Variants in TJP1 observed in about 807,000 individuals in gnomAD.
The protein encoded by TJP1 is tight junction protein 1.
TJP1 carries 43 observed loss-of-function variants against 194.2 expected under a neutral mutation model. That is an observed-to-expected ratio of 0.22 (90% CI 0.17 to 0.29). The LOEUF is 0.29. Among genes scored for constraint, TJP1 ranks in the 10% least tolerant of loss-of-function variants. The probability of loss-of-function intolerance (pLI) is 1.00; values close to 1 mark genes in which losing one functional copy is unlikely to be tolerated. For synonymous variants in TJP1, 801 were observed against 779.0 expected (o/e 1.03, Z -0.47); for missense variants, 1,971 against 2,185.7 (o/e 0.90, Z 1.96).
intron 27 of TJP1, 151 bp downstream of exon 27, chr15:29,704,011 C>G: frequency 1.3e-6 from 1 of 778,918 alleles, no homozygotes; most frequent in Admixed American, 2.9e-5. Context: ...ATATGCACCA[C>G]AAATAAATGT....
At chr15:29,736,645 G>C (rs1307121242) in intron 11 of TJP1, among the ~76,000 whole-genome samples, 2 of 152,210 alleles carry the variant, frequency 1.3e-5, no homozygotes, top group Non-Finnish European at 2.9e-5. Context: ...TATGGGGAAG[G>C]AAGGGAGGAC....
intron 2 of TJP1, among the ~76,000 whole-genome samples, chr15:29,877,276 G>A (rs1224231832): frequency 6.6e-6 from 1 of 152,346 alleles, no homozygotes; most frequent in African/African-American, 2.4e-5. Context: ...GAGTGCAGTG[G>A]CGTGATCACG....
chr15:29,772,135 C>T lies in TJP1; in HGVS notation c.241G>A (p.Val81Ile), dbSNP rs748719445. ...ENDRVAMVNG[V>I]SMDNVEHAFA... ...GCATGTTCAACATTATCCATTGAAA[C>T]TCCGTTAACCATTGCAACTCGGTCA... The change falls in exon 4 of 28, where the codon GTT becomes ATT. Residue 81 changes from valine to isoleucine, a missense_variant. By Grantham distance (29) the Val-to-Ile change is conservative. This residue lies in a region of TJP1 where 245 missense variants were observed against 336.6 expected (regional missense o/e 0.73). Coordinates refer to ENST00000614355, the MANE Select transcript of TJP1 (RefSeq NM_001330239.4). 1 of 1,604,068 alleles carries T rather than the reference C, an allele frequency of 6.2e-7. No individual in the cohort carries two copies. The highest frequency in any genetic ancestry group is 1.1e-5 in the South Asian group (1 of 88,620).
At chr15:29,763,209 G>C (rs1277474826) in intron 5 of TJP1, among the ~76,000 whole-genome samples, 2 of 152,176 alleles carry the variant, frequency 1.3e-5, no homozygotes, top group Admixed American at 1.3e-4. Context: ...CCGTCTGTGG[G>C]TAAGGAATGT....
chr15:29,968,223 G>T, intron 1 of TJP1: 2 of 985,412 alleles, frequency 2.0e-6, no homozygotes, highest in South Asian at 9.4e-5. Context: ...TATGCACTCA[G>T]CAGCAGACGA....
At chr15:29,791,171 T>C (rs1292307443) in intron 2 of TJP1, among the ~76,000 whole-genome samples, 1 of 151,270 alleles carries the variant, frequency 6.6e-6, no homozygotes, top group East Asian at 2.0e-4. Flanking sequence ...GGACTACAGG[T>C]GCACACCACC....
chr15:29,806,288 A>C lies in TJP1; in HGVS notation c.28-5586T>G, dbSNP rs78559527. On this transcript the variant is annotated intron_variant, in intron 1 of 27. Coordinates refer to ENST00000614355, the MANE Select transcript of TJP1 (RefSeq NM_001330239.4). ...TGGACAACCAAAGGAATTTGAGAAG[A>C]AGCAGACAATGAGGATACATGAAAA... 4.9e-3 allele frequency among the ~76,000 whole-genome samples: 750 copies of C among 152,296 alleles called. 30 individuals are homozygous for C. In the East Asian group the frequency reaches 0.099, roughly 20 times the overall value.
At chr15:29,782,272 G>A (rs571374164) in intron 2 of TJP1, among the ~76,000 whole-genome samples, 18 of 152,228 alleles carry the variant, frequency 1.2e-4, no homozygotes, top group African/African-American at 3.9e-4. Flanking sequence ...AAAGCTGGAG[G>A]CATTAGGTTA....
intron 5 of TJP1, among the ~76,000 whole-genome samples, chr15:29,764,118 C>T (rs2046184132): frequency 6.6e-6 from 1 of 152,096 alleles, no homozygotes; most frequent in African/African-American, 2.4e-5. Flanking sequence ...TGCACTCTGG[C>T]AATTTGCAGT....
chr15:29,803,492 T>C (rs1206542676), intron 1 of TJP1, among the ~76,000 whole-genome samples: 3 of 152,100 alleles, frequency 2.0e-5, no homozygotes, highest in South Asian at 2.1e-4. Flanking sequence ...ACTGGGTAGG[T>C]TGGGTGTATT....
intron 2 of TJP1, among the ~76,000 whole-genome samples, chr15:29,930,545 C>T (rs936850127): frequency 1.3e-5 from 2 of 148,938 alleles, no homozygotes; most frequent in Non-Finnish European, 3.0e-5. Context: ...CTGATACAAA[C>T]ACCTGGCAAA....
At position 29,933,481 on chromosome 15, in the gene TJP1, C is replaced by T. The variant is rs186697965; in HGVS notation, c.306+22751G>A. On this transcript the variant is annotated intron_variant, in intron 2 of 28. Transcript: ENST00000356107. ...AGAATGTCAAGAAGAAGATAACATT[C>T]AACTGCCAATCCTGAAAAGAAGTTA... Among the ~76,000 whole-genome samples, 1,516 of 152,218 alleles carry T rather than the reference C, an allele frequency of 1.0e-2. 10 individuals carry two copies. Among genetic ancestry groups the T allele is most frequent in the South Asian group, 0.028 (133 of 4,812 alleles).
chr15:29,907,062 A>G (rs924818370), intron 2 of TJP1, among the ~76,000 whole-genome samples: 4 of 152,178 alleles, frequency 2.6e-5, no homozygotes, highest in Non-Finnish European at 5.9e-5. Context: ...AGTTCATTAT[A>G]TTATTCTTGC....
intron 2 of TJP1, among the ~76,000 whole-genome samples, chr15:29,914,984 A>G (rs2054140020): frequency 6.6e-6 from 1 of 152,196 alleles, no homozygotes; most frequent in South Asian, 2.1e-4. Context: ...TATTACCGTA[A>G]CCAACAAATG....
chr15:29,968,618 G>A lies in TJP1; in HGVS notation c.173+49C>T, dbSNP rs1451146801. The A allele has an allele frequency of 4.1e-6, 4 of 974,182 alleles. No individual in the cohort carries two copies. The African/African-American group carries it at 5.3e-5, about 13-fold the overall frequency. 60.3% of individuals were successfully genotyped at this position (974,182 alleles called of 1,614,324 possible). ...GCTCTCCCACTCCGGCCCCCGCCCC[G>A]CTCCGCGCCTAGCCCGGCTGGGGCT... On this transcript the variant is annotated intron_variant, in intron 1 of 28. Transcript: ENST00000356107.
At chr15:29,710,039 A>C (rs2042140411) in intron 24 of TJP1, among the ~76,000 whole-genome samples, 1 of 152,106 alleles carries the variant, frequency 6.6e-6, no homozygotes, top group African/African-American at 2.4e-5. Flanking sequence ...CCAGCTACTC[A>C]GGAGGCTGAG....
intron 2 of TJP1, among the ~76,000 whole-genome samples, chr15:29,896,056 C>T (rs2053467497): frequency 6.6e-6 from 1 of 152,110 alleles, no homozygotes; most frequent in Non-Finnish European, 1.5e-5. Context: ...TAATCACCTC[C>T]AAAAAGGCCC....
intron 2 of TJP1, among the ~76,000 whole-genome samples, chr15:29,950,153 T>TCCACCTCCACAACCACCACCTCCACCA (rs2055665642): frequency 1.8e-5 from 1 of 56,752 alleles, no homozygotes; most frequent in African/African-American, 6.7e-5. Context: ...AACCACCACC[T>TCCACCTCCACAACCACCACCTCCACCA]CCACCACCAC....
intron 2 of TJP1, among the ~76,000 whole-genome samples, chr15:29,904,748 TGA>T (rs1406658124): frequency 1.3e-5 from 2 of 152,124 alleles, no homozygotes; most frequent in Non-Finnish European, 2.9e-5. Flanking sequence ...CCTCAGAATG[TGA>T]GAGTCTTTGC....
Sources: gnomAD v4.1 joint callset for allele counts (sites outside exome capture counted in the v4.1 genomes callset) on GRCh38, gnomAD v4.1.1 for gene constraint, gnomAD v4.1.1 regional missense constraint, MANE v1.5 for transcripts, NCBI Gene and HGNC (gene_info 2026-07-23, HGNC 2026-07-21) for gene names.